Variants in PBX1 observed in about 807,000 individuals in gnomAD.
PBX1 encodes the protein pre-B-cell leukemia transcription factor 1.
A neutral mutation model predicts 53.4 loss-of-function variants in PBX1; 6 were observed. That is an observed-to-expected ratio of 0.11 (90% CI 0.06 to 0.22). PBX1 has a LOEUF of 0.22. Among genes scored for constraint, PBX1 ranks in the 10% least tolerant of loss-of-function variants. The pLI, the probability that PBX1 is intolerant of heterozygous loss-of-function variation, is 1.00. For synonymous variants in PBX1, 204 were observed against 212.3 expected, an observed-to-expected ratio of 0.96 and a Z score of 0.34; for missense variants, 251 against 551.4, an observed-to-expected ratio of 0.46 and a Z score of 5.46.
chr1:164,736,567 A>T (rs1665301526), intron 2 of PBX1, among the ~76,000 whole-genome samples: 3 of 152,206 alleles, frequency 2.0e-5, no homozygotes. Flanking sequence ...GGAAAAAGCC[A>T]CAGAAGGAAC....
At chr1:164,762,782 C>G (rs937675885) in intron 2 of PBX1, among the ~76,000 whole-genome samples, 1 of 152,166 alleles carries the variant, frequency 6.6e-6, no homozygotes, top group African/African-American at 2.4e-5. Flanking sequence ...AACCTGTGGT[C>G]ACTTTCTTAC....
chr1:164,680,734 C>T (rs1277424263), intron 2 of PBX1: 1 of 152,180 alleles, frequency 6.6e-6, no homozygotes, highest in African/African-American at 2.4e-5. Flanking sequence ...GGAACTTTCC[C>T]CATTCTGTCT....
At chr1:164,697,404 C>G (rs1662857588) in intron 2 of PBX1, among the ~76,000 whole-genome samples, 1 of 152,196 alleles carries the variant, frequency 6.6e-6, no homozygotes, top group Non-Finnish European at 1.5e-5. Flanking sequence ...TTCTACCATG[C>G]TCCTATAACA....
chr1:164,745,220 C>T (rs1665830726), intron 2 of PBX1, among the ~76,000 whole-genome samples: 1 of 152,132 alleles, frequency 6.6e-6, no homozygotes, highest in Non-Finnish European at 1.5e-5. Flanking sequence ...GCATGGGCCA[C>T]AGATTGAGCA....
In PBX1 at chr1:164,750,659, A is replaced by C. The variant is rs576695203; in HGVS notation, c.266-41835A>C. On this transcript the variant is annotated intron_variant, in intron 2 of 8. Transcript: ENST00000420696. ...AAGTAGCTTTCAGGAGGCTTGGGAA[A>C]AATGTTCATTGTTCTTTTTCTTTGT... Among the ~76,000 whole-genome samples, 11 of 152,290 alleles carry C rather than the reference A, an allele frequency of 7.2e-5. 1 individual carries two copies. The South Asian group carries it at 2.3e-3, about 32-fold the overall frequency.
chr1:164,583,877 T>G (rs894625988), intron 2 of PBX1, among the ~76,000 whole-genome samples: 1 of 152,190 alleles, frequency 6.6e-6, no homozygotes, highest in Non-Finnish European at 1.5e-5. Context: ...CGAAGGCGCT[T>G]TAGGGCAGCT....
intron 2 of PBX1, among the ~76,000 whole-genome samples, chr1:164,661,044 C>T (rs1220182629): frequency 6.6e-6 from 1 of 152,222 alleles, no homozygotes; most frequent in Non-Finnish European, 1.5e-5. Flanking sequence ...GGCAAGCATA[C>T]TGCTTGTTGG....
intron 2 of PBX1, among the ~76,000 whole-genome samples, chr1:164,728,438 T>A (rs963349502): frequency 6.6e-6 from 1 of 152,220 alleles, no homozygotes; most frequent in African/African-American, 2.4e-5. Flanking sequence ...ACAAATGTGC[T>A]CCCATTTCCT....
intron 2 of PBX1, among the ~76,000 whole-genome samples, chr1:164,861,265 G>A (rs191300881): frequency 1.1e-4 from 16 of 152,218 alleles, no homozygotes; most frequent in Non-Finnish European, 1.9e-4. Context: ...TACACAGCAG[G>A]TATGAAGACA....
At chr1:164,706,522 A>G (rs955163245) in intron 2 of PBX1, among the ~76,000 whole-genome samples, 9 of 152,168 alleles carry the variant, frequency 5.9e-5, no homozygotes, top group African/African-American at 2.2e-4. Flanking sequence ...TTAAACTACT[A>G]ATGTCCATTC....
intron 2 of PBX1, among the ~76,000 whole-genome samples, chr1:164,609,607 GCTT>G (rs1359447506): frequency 1.3e-5 from 2 of 152,036 alleles, no homozygotes; most frequent in Non-Finnish European, 2.9e-5. Context: ...GAGATTCTCG[GCTT>G]CTTCTAGAGT....
intron 2 of PBX1, among the ~76,000 whole-genome samples, chr1:164,629,733 G>A (rs1658287998): frequency 6.6e-6 from 1 of 152,224 alleles, no homozygotes; most frequent in African/African-American, 2.4e-5. Context: ...TGTAAAAAGT[G>A]GCTGTAGCCA....
chr1:164,747,036 A>C (rs1461296573), intron 2 of PBX1, among the ~76,000 whole-genome samples: 1 of 152,154 alleles, frequency 6.6e-6, no homozygotes, highest in East Asian at 1.9e-4. Flanking sequence ...TTGAGGAGAT[A>C]TTGTTGTTCC....
In PBX1 at chr1:164,847,749, ACT is replaced by A. The variant is rs1233070122; in HGVS notation, c.*1076_*1077del. 1 of 1,052,500 alleles carries A rather than the reference ACT, an allele frequency of 9.5e-7. No individual in the cohort carries two copies. The highest frequency in any genetic ancestry group is 1.1e-6 in the Non-Finnish European group (1 of 871,408). 65.2% of individuals were successfully genotyped at this position (1,052,500 alleles called of 1,614,324 possible). The stretch of plus-strand genomic sequence containing the variant: ...TTGAGCCCGAGAGAGGGAATTAGTG[ACT>A]CTAAGTGAAGGTCACTGACACAGAG... On this transcript the variant is annotated 3_prime_UTR_variant, in exon 9 of 9. Coordinates refer to ENST00000420696, the MANE Select transcript of PBX1 (RefSeq NM_002585.4).
chr1:164,745,778 G>A (rs1313265263), intron 2 of PBX1, among the ~76,000 whole-genome samples: 1 of 152,184 alleles, frequency 6.6e-6, no homozygotes, highest in African/African-American at 2.4e-5. Flanking sequence ...TTTTCCAAGA[G>A]CCTTCAGAAA....
chr1:164,792,919 C>T (rs563402874), intron 3 of PBX1, among the ~76,000 whole-genome samples, 181 bp downstream of exon 3: 58 of 152,208 alleles, frequency 3.8e-4, no homozygotes, highest in Middle Eastern at 6.8e-3. Context: ...GTCCTGGTCT[C>T]AACTGTTAAA....
chr1:164,592,131 T>G (rs1201482017), intron 2 of PBX1, among the ~76,000 whole-genome samples: 10 of 145,886 alleles, frequency 6.9e-5, no homozygotes, highest in East Asian at 2.0e-4. Context: ...TGGAGGGAGG[T>G]GGGGAGGAGG....
chr1:164,847,838 G>A lies in PBX1; in HGVS notation c.*1162G>A. The A allele has an allele frequency of 1.9e-6, 2 of 1,055,164 alleles. No individual in the cohort carries two copies. The highest frequency in any genetic ancestry group is 4.6e-5 in the South Asian group (1 of 21,880). The allele number at this position is 1,055,164 out of a possible 1,614,324, so 65.4% of individuals were successfully genotyped here. On this transcript the variant is annotated 3_prime_UTR_variant, in exon 9 of 9. Coordinates refer to ENST00000420696, the MANE Select transcript of PBX1 (RefSeq NM_002585.4). ...CCCACTAGCGTGCACTTACCAGAAT[G>A]GCATACACAGGACCTGATCATGAGG...
chr1:164,869,856 G>T (rs1672307132), intron 2 of PBX1, among the ~76,000 whole-genome samples: 1 of 152,142 alleles, frequency 6.6e-6, no homozygotes, highest in African/African-American at 2.4e-5. Flanking sequence ...TGGAATTTGG[G>T]GCAGAAGCAA....
Sources: gnomAD v4.1 joint callset for allele counts (sites outside exome capture counted in the v4.1 genomes callset) on GRCh38, gnomAD v4.1.1 for gene constraint, MANE v1.5 for transcripts, NCBI Gene and HGNC (gene_info 2026-07-23, HGNC 2026-07-21) for gene names.